Variants in CRY1 observed in about 807,000 individuals in gnomAD.
The protein encoded by CRY1 is cryptochrome-1.
Under a neutral mutation model 76.0 loss-of-function variants are expected in CRY1, and 45 were observed. The ratio of observed to expected loss-of-function variants is 0.59; its 90% CI spans 0.47 to 0.76. The LOEUF is 0.76. CRY1 is among the 30% of genes least tolerant of loss of function. The pLI is 0.00. For missense variants in CRY1, 587 were observed against 716.4 expected (o/e 0.82, Z 2.06); for synonymous variants, 248 against 244.0 (o/e 1.02, Z -0.15).
chr12:106,997,373 T>G lies in CRY1; in HGVS notation c.1506A>C (p.Ser502=). 3 of 1,613,990 alleles carry G rather than the reference T, an allele frequency of 1.9e-6. No homozygotes were observed. The highest frequency in any genetic ancestry group is 2.5e-6 in the Non-Finnish European group (3 of 1,179,930). Residue 502 remains serine (S), a synonymous_variant, in exon 10 of 13, where the codon TCA becomes TCC. Transcript: ENST00000008527. ...SRYRGLGLLA[S]VPSNPNGNGG... ...CATTCCCATTAGGATTAGAAGGTAC[T>G]GATGCCAGAAGACCTAAAGGACAAA...
chr12:107,080,478 T>C (rs1953308632), intron 1 of CRY1, among the ~76,000 whole-genome samples: 1 of 151,846 alleles, frequency 6.6e-6, no homozygotes, highest in Non-Finnish European at 1.5e-5. Context: ...CCTAGAAATA[T>C]GTGAAATGAA....
chr12:107,082,736 A>G (rs1213580410), intron 1 of CRY1, among the ~76,000 whole-genome samples: 1 of 152,216 alleles, frequency 6.6e-6, no homozygotes, highest in African/African-American at 2.4e-5. Context: ...TCCATATCAG[A>G]AAGCAAGAAA....
At chr12:107,089,148 G>C (rs748943474) in intron 1 of CRY1, among the ~76,000 whole-genome samples, 1 of 152,102 alleles carries the variant, frequency 6.6e-6, no homozygotes, top group Non-Finnish European at 1.5e-5. Flanking sequence ...TTCATCAACT[G>C]ATGGCCATTT....
intron 2 of CRY1, among the ~76,000 whole-genome samples, chr12:107,009,540 G>GA (rs1434680101): frequency 2.5e-5 from 2 of 81,610 alleles, no homozygotes; most frequent in East Asian, 7.3e-4. Flanking sequence ...CTCCATCTCA[G>GA]AAAAAACAAA....
chr12:107,091,350 A>G (rs745945596), intron 1 of CRY1, among the ~76,000 whole-genome samples: 2 of 151,970 alleles, frequency 1.3e-5, no homozygotes, highest in Non-Finnish European at 2.9e-5. Context: ...TTTCTCTCTC[A>G]CTACATATCC....
intron 2 of CRY1, among the ~76,000 whole-genome samples, chr12:107,014,346 G>A (rs912913518): frequency 1.3e-5 from 2 of 152,134 alleles, no homozygotes; most frequent in African/African-American, 2.4e-5. Flanking sequence ...GCTGGTTCAG[G>A]AGGGCTGCTG....
intron 2 of CRY1, 92 bp downstream of exon 2, chr12:107,021,992 G>A (rs963339270): frequency 4.6e-5 from 43 of 941,950 alleles, no homozygotes; most frequent in African/African-American, 3.1e-4. Context: ...ACTTATATTC[G>A]CTACATTTTC....
At chr12:107,048,302 G>C (rs1392133326) in intron 1 of CRY1, among the ~76,000 whole-genome samples, 1 of 152,016 alleles carries the variant, frequency 6.6e-6, no homozygotes, top group Non-Finnish European at 1.5e-5. Flanking sequence ...GGCTGGTCTC[G>C]AACTCTGGAC....
At chr12:107,038,670 T>C (rs754416684) in intron 1 of CRY1, among the ~76,000 whole-genome samples, 1 of 152,224 alleles carries the variant, frequency 6.6e-6, no homozygotes, top group Non-Finnish European at 1.5e-5. Context: ...AGTGAAATGA[T>C]AGAATAGGAA....
At position 106,992,792 on chromosome 12, in the gene CRY1, T is replaced by C. The variant is rs1335016584; in HGVS notation, c.1756A>G (p.Asn586Asp). ...IGPKVQRQST[N>D] is the part of the protein sequence containing the mutation. ...TACAGCTCTAAAATATTTACCTAATTAGTGCTCTGTCTCTGGACTTTAGGA... is the reference window on the plus strand; with the variant it reads ...TACAGCTCTAAAATATTTACCTAATCAGTGCTCTGTCTCTGGACTTTAGGA... Residue 586 changes from asparagine (N) to aspartate (D), a missense_variant, in exon 12 of 13, where the codon AAT (asparagine) becomes GAT (aspartate). Transcript: ENST00000008527. 1.2e-6 allele frequency: 2 copies of C among 1,612,484 alleles called. No individual in the cohort carries two copies. Among genetic ancestry groups the C allele is most frequent in the Admixed American group, 1.7e-5 (1 of 60,022 alleles).
At chr12:107,078,344 T>C (rs1953282988) in intron 1 of CRY1, among the ~76,000 whole-genome samples, 1 of 152,084 alleles carries the variant, frequency 6.6e-6, no homozygotes, top group African/African-American at 2.4e-5. Context: ...CTTTGATAAT[T>C]TTTCCTACAT....
chr12:107,031,370 C>CTT lies in CRY1; in HGVS notation c.159-9180_159-9179dup, dbSNP rs1190940981. On this transcript the variant is annotated intron_variant, in intron 1 of 12. Coordinates refer to ENST00000008527, the MANE Select transcript of CRY1 (RefSeq NM_004075.5). Reference sequence around the variant, plus strand: ...AAGCTTTAGTAAATAAGACATAAATCTTTTTTTTTTTTTTTTGCTTATTAT... The same window carrying CTT: ...AAGCTTTAGTAAATAAGACATAAATCTTTTTTTTTTTTTTTTTTGCTTATTAT... Among the ~76,000 whole-genome samples the CTT allele has an allele frequency of 8.5e-3, 1,147 of 134,896 alleles. 7 individuals carry two copies. Among genetic ancestry groups the CTT allele is most frequent in the Non-Finnish European group, 0.014 (883 of 61,794 alleles). 88.5% of individuals were successfully genotyped at this position (134,896 alleles called of 152,430 possible).
intron 1 of CRY1, among the ~76,000 whole-genome samples, chr12:107,047,022 A>T (rs1952856347): frequency 6.6e-6 from 1 of 152,192 alleles, no homozygotes; most frequent in Non-Finnish European, 1.5e-5. Context: ...CTCAAGACCA[A>T]ATGGACCCAA....
intron 1 of CRY1, among the ~76,000 whole-genome samples, chr12:107,074,262 T>C (rs1953223840): frequency 6.6e-6 from 1 of 152,144 alleles, no homozygotes; most frequent in Admixed American, 6.5e-5. Context: ...ATAATACCAA[T>C]AAAAGGCTTG....
chr12:107,033,003 C>T (rs111639970), intron 1 of CRY1, among the ~76,000 whole-genome samples: 1,715 of 150,840 alleles, frequency 0.011, 44 homozygotes, highest in African/African-American at 0.039. Context: ...TATAAATGTC[C>T]GACAAGAATA....
chr12:107,049,547 G>A (rs1219159320), intron 1 of CRY1, among the ~76,000 whole-genome samples: 3 of 151,874 alleles, frequency 2.0e-5, no homozygotes, highest in African/African-American at 7.3e-5. Flanking sequence ...ACTAATTTTT[G>A]TATTTTTTTA....
intron 1 of CRY1, among the ~76,000 whole-genome samples, chr12:107,073,278 C>G (rs1373048489): frequency 1.3e-5 from 2 of 151,992 alleles, no homozygotes; most frequent in South Asian, 2.1e-4. Flanking sequence ...CTTTGTCACC[C>G]AGGCTGGAGT....
At chr12:107,040,271 CTTTTTTTTTTTTTTAG>C (rs1160062236) in intron 1 of CRY1, among the ~76,000 whole-genome samples, 2 of 134,414 alleles carry the variant, frequency 1.5e-5, no homozygotes, top group Admixed American at 7.9e-5. Context: ...ACTTTCTTTC[CTTTTTTTTTTTTTTAG>C]TTTTTTTTTT....
chr12:106,994,091 A>G (rs1317233480), intron 10 of CRY1, among the ~76,000 whole-genome samples: 1 of 152,102 alleles, frequency 6.6e-6, no homozygotes. Flanking sequence ...AGACAAGTAA[A>G]AGAATTTTGC....
Sources: allele counts gnomAD v4.1 joint callset (sites outside exome capture counted in the v4.1 genomes callset), GRCh38; gene constraint gnomAD v4.1.1; transcripts MANE v1.5; gene names NCBI Gene and HGNC (gene_info 2026-07-23, HGNC 2026-07-21).